The following GASK1A variants were observed in gnomAD, a reference collection of about 807,000 sequenced individuals.
GASK1A encodes golgi associated kinase 1A.
A neutral mutation model predicts 41.2 loss-of-function variants in GASK1A; 40 were observed. The ratio of observed to expected loss-of-function variants is 0.97; its 90% CI spans 0.75 to 1.27. The LOEUF (loss-of-function observed/expected upper bound fraction) is 1.27, where lower values mean the gene tolerates loss of function less well. Ranked by LOEUF, GASK1A falls within the 50% of genes most tolerant of loss-of-function variation. The probability of loss-of-function intolerance (pLI) is 0.00; values close to 1 mark genes in which losing one functional copy is unlikely to be tolerated. For missense variants in GASK1A, 678 were observed against 745.1 expected (o/e 0.91, Z 1.05); for synonymous variants, 316 against 307.1 (o/e 1.03, Z -0.30).
intron 4 of GASK1A, chr3:43,055,968 G>A: frequency 1.8e-6 from 1 of 568,212 alleles, no homozygotes; most frequent in Non-Finnish European, 3.1e-6. Context: ...CATCTGAAAG[G>A]TCTGTCCCCT....
intron 2 of GASK1A, among the ~76,000 whole-genome samples, chr3:43,047,698 A>T (rs1408661391): frequency 6.6e-6 from 1 of 152,158 alleles, no homozygotes; most frequent in Admixed American, 6.5e-5. Flanking sequence ...ACAAGGAAAC[A>T]TATTCCCACA....
intron 1 of GASK1A, among the ~76,000 whole-genome samples, chr3:42,995,429 C>T (rs1199416754): frequency 2.0e-5 from 3 of 152,154 alleles, no homozygotes; most frequent in South Asian, 4.2e-4. Flanking sequence ...CAAGGGAAGC[C>T]GGAAATCTGA....
At chr3:43,025,871 A>C (rs143925131) in intron 1 of GASK1A, among the ~76,000 whole-genome samples, 2 of 152,238 alleles carry the variant, frequency 1.3e-5, no homozygotes, top group Non-Finnish European at 2.9e-5. Context: ...TGGAACTAGC[A>C]GAAAGTAACA....
intron 1 of GASK1A, among the ~76,000 whole-genome samples, chr3:43,031,848 G>A (rs1279860891): frequency 6.6e-6 from 1 of 152,236 alleles, no homozygotes; most frequent in Admixed American, 6.5e-5. Flanking sequence ...GTAAGGGCAT[G>A]TGTGTGGGGA....
At chr3:43,003,450 G>A (rs1403506161) in intron 1 of GASK1A, among the ~76,000 whole-genome samples, 2 of 147,952 alleles carry the variant, frequency 1.4e-5, no homozygotes, top group South Asian at 4.2e-4. Context: ...AGCCAAGATC[G>A]CACCACTGCA....
intron 2 of GASK1A, among the ~76,000 whole-genome samples, chr3:43,034,066 G>C (rs1184474980): frequency 6.6e-6 from 1 of 152,162 alleles, no homozygotes; most frequent in Non-Finnish European, 1.5e-5. Context: ...TACAAATCAG[G>C]ACTCCCCTCT....
chr3:43,025,482 C>G (rs1412200997), intron 1 of GASK1A, among the ~76,000 whole-genome samples: 1 of 152,134 alleles, frequency 6.6e-6, no homozygotes. Context: ...TGTGGTCCCT[C>G]CCTCTCTCCT....
chr3:43,054,373 T>C (rs1311643849), intron 3 of GASK1A: 1 of 153,022 alleles, frequency 6.5e-6, no homozygotes, highest in African/African-American at 2.4e-5. Flanking sequence ...CCCAGAGCCA[T>C]CTCTCCTTTT....
At chr3:42,995,608 G>T (rs1213474905) in intron 1 of GASK1A, among the ~76,000 whole-genome samples, 1 of 152,288 alleles carries the variant, frequency 6.6e-6, no homozygotes, top group Middle Eastern at 3.4e-3. Context: ...TGGAGACTGG[G>T]GTGGATGTCC....
intron 1 of GASK1A, among the ~76,000 whole-genome samples, chr3:43,023,454 A>G (rs1287375524): frequency 1.3e-5 from 2 of 152,190 alleles, no homozygotes; most frequent in Admixed American, 6.5e-5. Context: ...GCTACAGGAA[A>G]CTAATATACT....
At chr3:42,995,209 G>A (rs915082161) in intron 1 of GASK1A, among the ~76,000 whole-genome samples, 15 of 152,158 alleles carry the variant, frequency 9.9e-5, no homozygotes, top group Non-Finnish European at 1.6e-4. Flanking sequence ...TTGAGCTGTA[G>A]TCAGAGAAGT....
intron 1 of GASK1A, among the ~76,000 whole-genome samples, chr3:42,987,457 A>T (rs187096827): frequency 2.0e-5 from 3 of 152,124 alleles, no homozygotes; most frequent in Non-Finnish European, 2.9e-5. Context: ...AGGAGAAAAA[A>T]GTGGGGGGAG....
chr3:43,000,995 C>G (rs1002222230), intron 1 of GASK1A, among the ~76,000 whole-genome samples: 2 of 152,094 alleles, frequency 1.3e-5, no homozygotes, highest in Non-Finnish European at 2.9e-5. Flanking sequence ...GGTGGAGATG[C>G]CTGGGTGCCT....
intron 1 of GASK1A, among the ~76,000 whole-genome samples, chr3:43,001,720 A>T (rs2089409968): frequency 6.6e-6 from 1 of 152,110 alleles, no homozygotes; most frequent in Non-Finnish European, 1.5e-5. Context: ...GAAGGTGGGG[A>T]TAGGTGGGCC....
chr3:42,989,079 C>T (rs9872107), intron 1 of GASK1A, among the ~76,000 whole-genome samples: 61,544 of 151,996 alleles, frequency 0.4, 12,720 homozygotes, highest in Middle Eastern at 0.46. Flanking sequence ...ATTAGCGGGC[C>T]GTAATTTCAA....
At chr3:43,028,315 C>A (rs895128985) in intron 1 of GASK1A, among the ~76,000 whole-genome samples, 1 of 152,208 alleles carries the variant, frequency 6.6e-6, no homozygotes, top group African/African-American at 2.4e-5. Context: ...TGTCTGGCTT[C>A]CTCTTCCCAT....
chr3:42,995,936 T>A (rs1404378680), intron 1 of GASK1A, among the ~76,000 whole-genome samples: 1 of 151,810 alleles, frequency 6.6e-6, no homozygotes, highest in Non-Finnish European at 1.5e-5. Context: ...CCAGAGAAAA[T>A]TTCCAACAAA....
At position 43,032,782 on chromosome 3, in the gene GASK1A, A is replaced by G; in HGVS notation, c.519A>G (p.Pro173=). The change falls in exon 2 of 5, where the codon CCA becomes CCG. Residue 173 remains proline, a synonymous_variant. Transcript: ENST00000430121. The part of the protein sequence containing the change: ...TQSEVVTLVS[P]LPGSDMAALP... ...GTGAGGTGGTCACCCTGGTCAGTCC[A>G]CTCCCAGGGAGTGACATGGCAGCTT... 6.4e-7 allele frequency: 1 copy of G among 1,550,700 alleles called. No homozygotes were observed. Among genetic ancestry groups the G allele is most frequent in the Non-Finnish European group, 8.7e-7 (1 of 1,146,940 alleles).
chr3:43,037,177 C>T, intron 2 of GASK1A: 1 of 1,116,680 alleles, frequency 9.0e-7, no homozygotes. Flanking sequence ...GAAGAAGTGG[C>T]CAAAGAACCT....
Sources: gnomAD v4.1 joint callset for allele counts (sites outside exome capture counted in the v4.1 genomes callset) on GRCh38, gnomAD v4.1.1 for gene constraint, MANE v1.5 for transcripts, NCBI Gene and HGNC (gene_info 2026-07-23, HGNC 2026-07-21) for gene names.